The following WWOX variants were observed in gnomAD, a reference collection of about 807,000 sequenced individuals.
The protein encoded by WWOX is WW domain containing oxidoreductase.
WWOX carries 69 observed loss-of-function variants against 46.2 expected under a neutral mutation model. That is an observed-to-expected ratio of 1.49 (90% confidence interval 1.23 to 1.82). The LOEUF is 1.82. WWOX is among the 40% of genes most tolerant of loss of function. The pLI, the probability that WWOX is intolerant of heterozygous loss-of-function variation, is 0.00. For synonymous variants in WWOX, 359 were observed against 202.6 expected (o/e 1.77, Z -6.56); for missense variants, 919 against 542.6 (o/e 1.69, Z -6.89).
intron 8 of WWOX, among the ~76,000 whole-genome samples, chr16:78,502,520 A>C (rs572685902): frequency 6.6e-6 from 1 of 152,122 alleles, no homozygotes; most frequent in Non-Finnish European, 1.5e-5. Flanking sequence ...CCAGTTCATC[A>C]TTTCTTTTTG....
At chr16:79,130,144 A>T (rs113478127) in intron 8 of WWOX, among the ~76,000 whole-genome samples, 1 of 152,186 alleles carries the variant, frequency 6.6e-6, no homozygotes, top group East Asian at 1.9e-4. Context: ...AATTTGCCCA[A>T]GCTCACAGTC....
At chr16:78,527,657 C>T (rs1184921942) in intron 8 of WWOX, among the ~76,000 whole-genome samples, 2 of 152,090 alleles carry the variant, frequency 1.3e-5, no homozygotes, top group African/African-American at 4.8e-5. Context: ...CTACTATGCA[C>T]CTTACAGCTC....
chr16:78,317,735 C>T (rs1301465616), intron 5 of WWOX, among the ~76,000 whole-genome samples: 1 of 152,084 alleles, frequency 6.6e-6, no homozygotes, highest in Non-Finnish European at 1.5e-5. Context: ...CCCATGGGCC[C>T]CCTTCACGGT....
intron 8 of WWOX, among the ~76,000 whole-genome samples, chr16:78,703,784 A>T (rs868050659): frequency 1.8e-4 from 27 of 152,020 alleles, no homozygotes; most frequent in African/African-American, 6.3e-4. Flanking sequence ...CTTCACAGGG[A>T]GAATATTTTG....
At chr16:78,622,684 TGG>T (rs202136065) in intron 8 of WWOX, among the ~76,000 whole-genome samples, 12 of 68,790 alleles carry the variant, frequency 1.7e-4, no homozygotes, top group Admixed American at 1.2e-3. Flanking sequence ...AGGTGGGATA[TGG>T]GAGACTTACT....
chr16:78,500,899 C>G (rs1182538937), intron 8 of WWOX, among the ~76,000 whole-genome samples: 1 of 152,170 alleles, frequency 6.6e-6, no homozygotes, highest in East Asian at 1.9e-4. Context: ...CAAAAGAATT[C>G]AAAGCCAGTG....
At chr16:79,041,182 C>T (rs770812270) in intron 8 of WWOX, among the ~76,000 whole-genome samples, 5 of 152,164 alleles carry the variant, frequency 3.3e-5, no homozygotes, top group Non-Finnish European at 7.3e-5. Context: ...CTTGCCCCAA[C>T]TTAAATAAAA....
intron 5 of WWOX, among the ~76,000 whole-genome samples, chr16:78,210,021 C>T (rs1331974935): frequency 1.3e-5 from 2 of 150,914 alleles, no homozygotes; most frequent in Non-Finnish European, 2.9e-5. Context: ...GAAAAAAGTA[C>T]GAGAAAAGCC....
At chr16:78,466,827 A>G (rs991442047) in intron 8 of WWOX, among the ~76,000 whole-genome samples, 3 of 152,176 alleles carry the variant, frequency 2.0e-5, no homozygotes, top group Non-Finnish European at 4.4e-5. Context: ...CAGCGTGGGC[A>G]ACAGAGCGAG....
At chr16:78,755,931 A>G (rs1354085526) in intron 8 of WWOX, among the ~76,000 whole-genome samples, 1 of 152,196 alleles carries the variant, frequency 6.6e-6, no homozygotes, top group African/African-American at 2.4e-5. Context: ...GATGAGAAGA[A>G]CATATGCCAA....
chr16:79,059,440 A>G (rs1410480793), intron 8 of WWOX, among the ~76,000 whole-genome samples: 2 of 152,236 alleles, frequency 1.3e-5, no homozygotes, highest in African/African-American at 4.8e-5. Context: ...ATAAAGTAGA[A>G]ACTCAACAGT....
At chr16:78,856,134 G>A (rs569022237) in intron 8 of WWOX, among the ~76,000 whole-genome samples, 15 of 152,208 alleles carry the variant, frequency 9.9e-5, no homozygotes, top group Non-Finnish European at 1.9e-4. Flanking sequence ...AAGGAGTTCA[G>A]GGTTGAAAAG....
intron 5 of WWOX, among the ~76,000 whole-genome samples, chr16:78,208,707 T>C (rs2151784833): frequency 6.6e-6 from 1 of 152,328 alleles, no homozygotes. Flanking sequence ...GAAAGAAATA[T>C]AGTTTGAAGC....
chr16:78,634,829 AGAGAGAGAGTGTGT>A (rs1163718377), intron 8 of WWOX, among the ~76,000 whole-genome samples: 2 of 112,302 alleles, frequency 1.8e-5, no homozygotes, highest in Non-Finnish European at 3.8e-5. Context: ...AGAGAGAGAG[AGAGAGAGAGTGTGT>A]GTGTGTGTGT....
At chr16:78,480,229 T>A (rs2084453909) in intron 8 of WWOX, among the ~76,000 whole-genome samples, 1 of 152,246 alleles carries the variant, frequency 6.6e-6, no homozygotes, top group African/African-American at 2.4e-5. Context: ...GGTTATTGGC[T>A]ACCATATTGG....
intron 7 of WWOX, among the ~76,000 whole-genome samples, chr16:78,429,612 G>C (rs1004662966): frequency 1.3e-5 from 2 of 152,092 alleles, no homozygotes; most frequent in Admixed American, 6.5e-5. Context: ...CCTTGTCCCT[G>C]TTGTCTATGC....
At chr16:78,999,330 C>T (rs554135559) in intron 8 of WWOX, among the ~76,000 whole-genome samples, 4 of 151,942 alleles carry the variant, frequency 2.6e-5, no homozygotes, top group Non-Finnish European at 2.9e-5. Context: ...ATTAGCCAGG[C>T]GTAGTGGCAC....
At chr16:78,581,441 T>A (rs2045050274) in intron 8 of WWOX, among the ~76,000 whole-genome samples, 1 of 152,220 alleles carries the variant, frequency 6.6e-6, no homozygotes. Flanking sequence ...TTATTTTAAT[T>A]GAGTTTTAAA....
intron 8 of WWOX, among the ~76,000 whole-genome samples, chr16:78,796,107 G>C (rs1466964415): frequency 2.0e-5 from 3 of 152,178 alleles, no homozygotes; most frequent in African/African-American, 7.2e-5. Flanking sequence ...TGTCTACCTA[G>C]CTATCACATT....
Sources: allele counts gnomAD v4.1 joint callset (sites outside exome capture counted in the v4.1 genomes callset), GRCh38; gene constraint gnomAD v4.1.1; transcripts MANE v1.5; gene names NCBI Gene and HGNC (gene_info 2026-07-23, HGNC 2026-07-21).